The following PGM5 variants were observed in gnomAD, a reference collection of about 807,000 sequenced individuals.
PGM5 encodes the protein phosphoglucomutase 5, also known as phosphoglucomutase-like protein 5.
PGM5 carries 23 observed loss-of-function variants against 59.2 expected under a neutral mutation model. The ratio of observed to expected loss-of-function variants is 0.39; its 90% CI spans 0.28 to 0.55. PGM5 has a LOEUF of 0.55. Among genes scored for constraint, PGM5 ranks in the 20% least tolerant of loss-of-function variants. The pLI is 0.66. For synonymous variants in PGM5, 214 were observed against 286.0 expected, an observed-to-expected ratio of 0.75 and a Z score of 2.54; for missense variants, 574 against 748.3, an observed-to-expected ratio of 0.77 and a Z score of 2.72.
At chr9:68,517,176 G>T (rs1000021110) in intron 10 of PGM5, among the ~76,000 whole-genome samples, 2 of 151,844 alleles carry the variant, frequency 1.3e-5, no homozygotes, top group African/African-American at 4.8e-5. Flanking sequence ...GAGCCACTGC[G>T]CCTAGCCTAG....
rs1328281052 is a variant in PGM5 at position 68,391,839 on chromosome 9, C to CT, written c.888+116dup. On this transcript the variant is annotated intron_variant, in intron 5 of 10. Coordinates refer to ENST00000396396, the MANE Select transcript of PGM5 (RefSeq NM_021965.4). Reference sequence around the variant, plus strand: ...CTAACATGTATGGGACATGTGTGCCCTAACTGGCTCTGCATCTGCCCTTCT... The same window carrying CT: ...CTAACATGTATGGGACATGTGTGCCCTTAACTGGCTCTGCATCTGCCCTTCT... The CT allele has an allele frequency of 3.9e-6, 4 of 1,031,238 alleles. No individual in the cohort carries two copies. In the African/African-American group the frequency reaches 6.4e-5, roughly 17 times the overall value. 63.9% of individuals were successfully genotyped at this position (1,031,238 alleles called of 1,614,324 possible).
chr9:68,390,421 A>G (rs1354937415), intron 4 of PGM5, among the ~76,000 whole-genome samples: 7 of 152,070 alleles, frequency 4.6e-5, no homozygotes, highest in Admixed American at 1.3e-4. Flanking sequence ...GACATAGGTC[A>G]CCTCCTTAGC....
At chr9:68,415,895 G>T (rs1823021392) in intron 6 of PGM5, among the ~76,000 whole-genome samples, 1 of 150,280 alleles carries the variant, frequency 6.7e-6, no homozygotes, top group Admixed American at 6.7e-5. Flanking sequence ...TTGTTGAATT[G>T]AAATTAATTG....
intron 6 of PGM5, among the ~76,000 whole-genome samples, chr9:68,442,075 G>A (rs1823537219): frequency 6.6e-6 from 1 of 152,064 alleles, no homozygotes; most frequent in East Asian, 1.9e-4. Context: ...AGAATACCTA[G>A]AAGGAGAGAC....
intron 9 of PGM5, among the ~76,000 whole-genome samples, chr9:68,489,781 T>C (rs1197951763): frequency 6.6e-6 from 1 of 152,226 alleles, no homozygotes; most frequent in African/African-American, 2.4e-5. Flanking sequence ...CTTCCAGTGC[T>C]GAAGTCATTT....
intron 6 of PGM5, among the ~76,000 whole-genome samples, chr9:68,458,233 A>G (rs577970840): frequency 8.8e-4 from 134 of 152,208 alleles, no homozygotes; most frequent in Non-Finnish European, 1.0e-4. Context: ...TCTTCTTTCA[A>G]TTAAAGTTAG....
chr9:68,492,404 G>A (rs1322989236), intron 9 of PGM5, among the ~76,000 whole-genome samples: 1 of 152,184 alleles, frequency 6.6e-6, no homozygotes, highest in Non-Finnish European at 1.5e-5. Context: ...TTCTAGGTGA[G>A]TGCTTTAAAA....
chr9:68,410,652 G>A (rs1443802162), intron 6 of PGM5, among the ~76,000 whole-genome samples: 3 of 152,048 alleles, frequency 2.0e-5, no homozygotes, highest in African/African-American at 7.2e-5. Flanking sequence ...AATAAGAAAA[G>A]TATTTTTCCC....
At chr9:68,449,166 TTCACCTTCATGAACTAA>T (rs1823658118) in intron 6 of PGM5, among the ~76,000 whole-genome samples, 1 of 152,228 alleles carries the variant, frequency 6.6e-6, no homozygotes, top group South Asian at 2.1e-4. Flanking sequence ...TTATGAGGGC[TTCACCTTCATGAACTAA>T]TCACCTCCCA....
intron 6 of PGM5, chr9:68,464,679 G>GT (rs1823906400): frequency 6.3e-6 from 1 of 158,924 alleles, no homozygotes; most frequent in Admixed American, 6.3e-5. Flanking sequence ...AGGTGAGTGG[G>GT]TGGGGGTAAA....
At chr9:68,404,350 A>G (rs1218938298) in intron 6 of PGM5, among the ~76,000 whole-genome samples, 1 of 152,108 alleles carries the variant, frequency 6.6e-6, no homozygotes, top group South Asian at 2.1e-4. Context: ...GCTGGTTTTT[A>G]ACTCCTGGCC....
chr9:68,467,480 G>A (rs906915856), intron 7 of PGM5, among the ~76,000 whole-genome samples: 1 of 152,136 alleles, frequency 6.6e-6, no homozygotes, highest in Non-Finnish European at 1.5e-5. Context: ...CCATTGCTAG[G>A]ATGGGAATAG....
intron 10 of PGM5, among the ~76,000 whole-genome samples, chr9:68,517,329 G>A (rs951039541): frequency 3.9e-5 from 6 of 152,068 alleles, no homozygotes; most frequent in South Asian, 2.1e-4. Context: ...CCAGCCCTCC[G>A]CAGTAGTCTT....
At chr9:68,525,527 G>A (rs956724213) in intron 10 of PGM5, among the ~76,000 whole-genome samples, 1 of 152,164 alleles carries the variant, frequency 6.6e-6, no homozygotes, top group Non-Finnish European at 1.5e-5. Flanking sequence ...TCAACTAGGG[G>A]AAATGATTGA....
chr9:68,441,365 T>G (rs1196919411), intron 6 of PGM5, among the ~76,000 whole-genome samples: 4 of 152,124 alleles, frequency 2.6e-5, no homozygotes, highest in African/African-American at 9.7e-5. Context: ...TCCATAAATA[T>G]AGATGTAAAA....
intron 2 of PGM5, among the ~76,000 whole-genome samples, chr9:68,381,850 A>G (rs1822084686): frequency 6.6e-6 from 1 of 151,926 alleles, no homozygotes; most frequent in East Asian, 1.9e-4. Flanking sequence ...GGGTGAAAGT[A>G]TACTGAAAAC....
chr9:68,458,491 A>G (rs1343163023), intron 6 of PGM5, among the ~76,000 whole-genome samples: 3 of 152,230 alleles, frequency 2.0e-5, no homozygotes, highest in Non-Finnish European at 4.4e-5. Context: ...TCTTTAAATG[A>G]TATATTTAGT....
intron 10 of PGM5, among the ~76,000 whole-genome samples, chr9:68,525,750 T>C (rs766675483): frequency 6.6e-5 from 10 of 152,076 alleles, no homozygotes; most frequent in Non-Finnish European, 1.5e-4. Context: ...AATATATTAG[T>C]TTATTAGCCT....
chr9:68,416,803 C>T (rs1261608548), intron 6 of PGM5, among the ~76,000 whole-genome samples: 1 of 152,200 alleles, frequency 6.6e-6, no homozygotes, highest in Non-Finnish European at 1.5e-5. Flanking sequence ...AGCAGGCAAC[C>T]TCAAAGAGGT....
Sources: allele counts gnomAD v4.1 joint callset (sites outside exome capture counted in the v4.1 genomes callset), GRCh38; gene constraint gnomAD v4.1.1; transcripts MANE v1.5; gene names NCBI Gene and HGNC (gene_info 2026-07-23, HGNC 2026-07-21).